The following ADCY2 variants were observed in gnomAD, a reference collection of about 807,000 sequenced individuals.
ADCY2 encodes adenylate cyclase type 2.
Under a neutral mutation model 125.2 loss-of-function variants are expected in ADCY2, and 31 were observed. The observed-to-expected ratio is 0.25, with a 90% CI of 0.19 to 0.33. The LOEUF is 0.33. Ranked by LOEUF, ADCY2 falls within the 10% of genes least tolerant of loss-of-function variation. The pLI is 1.00. For missense variants in ADCY2, 904 were observed against 1,418.2 expected, an observed-to-expected ratio of 0.64 and a Z score of 5.82; for synonymous variants, 512 against 548.4, an observed-to-expected ratio of 0.93 and a Z score of 0.93.
intron 4 of ADCY2, among the ~76,000 whole-genome samples, chr5:7,688,092 T>TTAATATA (rs1413317642): frequency 1.2e-4 from 19 of 152,194 alleles, no homozygotes; most frequent in Non-Finnish European, 2.1e-4. Flanking sequence ...TTATTTATAG[T>TTAATATA]CTACCTGTTA....
At chr5:7,668,259 C>T (rs1241131967) in intron 4 of ADCY2, among the ~76,000 whole-genome samples, 3 of 152,258 alleles carry the variant, frequency 2.0e-5, no homozygotes, top group East Asian at 3.9e-4. Flanking sequence ...CTCTATAATG[C>T]GGGTGAGCCT....
Position 7,817,154 on chromosome 5 carries a change from A to C in ADCY2, c.2998+174A>C, listed in dbSNP as rs189424904. On this transcript the variant is annotated intron_variant, in intron 23 of 24. Transcript: ENST00000338316. ...ACTTTTGAACAAATTAGAAAAAAAA[A>C]AACCCTTTGATTGGACCTAGGCTAC... Among the ~76,000 whole-genome samples, 1,202 of 152,202 alleles carry C rather than the reference A, an allele frequency of 7.9e-3. 9 individuals are homozygous for C. The highest frequency in any genetic ancestry group is 0.012 in the Non-Finnish European group (823 of 68,014).
chr5:7,541,659 C>A (rs1001390813), intron 3 of ADCY2, among the ~76,000 whole-genome samples: 1 of 152,172 alleles, frequency 6.6e-6, no homozygotes, highest in Non-Finnish European at 1.5e-5. Flanking sequence ...TCTAACTGCC[C>A]TGCATTTGAG....
chr5:7,621,685 T>C (rs1179947776), intron 3 of ADCY2, among the ~76,000 whole-genome samples: 1 of 152,234 alleles, frequency 6.6e-6, no homozygotes, highest in Non-Finnish European at 1.5e-5. Context: ...AGAAGGGCTA[T>C]GGTGGTCATT....
Position 7,779,417 on chromosome 5 carries a change from T to C in ADCY2, c.2385-4948T>C, listed in dbSNP as rs138062494. ...GTTTCTAATCATCAGTTCTTCCATG[T>C]GATGCTAAAGCCATGCCCCGCCCAA... On this transcript the variant is annotated intron_variant, in intron 18 of 24. Transcript: ENST00000338316. 5.6e-3 allele frequency among the ~76,000 whole-genome samples: 860 copies of C among 152,324 alleles called. 12 individuals are homozygous for C. The highest frequency in any genetic ancestry group is 0.019 in the African/African-American group (804 of 41,570).
At chr5:7,567,021 C>G (rs1735914569) in intron 3 of ADCY2, among the ~76,000 whole-genome samples, 1 of 152,042 alleles carries the variant, frequency 6.6e-6, no homozygotes, top group Non-Finnish European at 1.5e-5. Context: ...TAATAGATAC[C>G]TACATTTGTG....
At chr5:7,734,922 G>A (rs1274072842) in intron 14 of ADCY2, among the ~76,000 whole-genome samples, 1 of 152,148 alleles carries the variant, frequency 6.6e-6, no homozygotes, top group Non-Finnish European at 1.5e-5. Context: ...TCTTCTCCTT[G>A]TATCCTCACA....
chr5:7,491,030 A>G (rs1743144235), intron 2 of ADCY2, among the ~76,000 whole-genome samples: 1 of 152,188 alleles, frequency 6.6e-6, no homozygotes, highest in African/African-American at 2.4e-5. Context: ...CTAGTAAGAA[A>G]ATCACAAAAT....
chr5:7,513,411 GT>G (rs1744144985), intron 2 of ADCY2, among the ~76,000 whole-genome samples: 1 of 152,136 alleles, frequency 6.6e-6, no homozygotes. Flanking sequence ...CATGTTTATT[GT>G]TTTGCAGATT....
At chr5:7,722,318 G>C (rs1204128426) in intron 12 of ADCY2, among the ~76,000 whole-genome samples, 1 of 152,114 alleles carries the variant, frequency 6.6e-6, no homozygotes, top group Non-Finnish European at 1.5e-5. Context: ...GGAGGTGCTG[G>C]TTTTATTTTC....
chr5:7,592,373 A>G (rs1736873139), intron 3 of ADCY2, among the ~76,000 whole-genome samples: 3 of 152,190 alleles, frequency 2.0e-5, no homozygotes, highest in Admixed American at 2.0e-4. Flanking sequence ...TGATGGGTGA[A>G]CTAAATGAGG....
At chr5:7,747,859 A>T (rs1223168661) in intron 15 of ADCY2, among the ~76,000 whole-genome samples, 1 of 152,248 alleles carries the variant, frequency 6.6e-6, no homozygotes, top group Non-Finnish European at 1.5e-5. Flanking sequence ...CACAAGATAA[A>T]TATTTAATAT....
intron 3 of ADCY2, among the ~76,000 whole-genome samples, chr5:7,618,149 C>T (rs1027318603): frequency 2.6e-5 from 4 of 152,144 alleles, no homozygotes; most frequent in Non-Finnish European, 4.4e-5. Context: ...ATGTTTAAAT[C>T]CCCAGGTGAG....
In ADCY2 at chr5:7,396,767, G is replaced by A. The variant is rs1004502056; in HGVS notation, c.210+261G>A. On this transcript the variant is annotated intron_variant, in intron 1 of 24. Transcript: ENST00000338316. This position sits in a 1 kb window ranked among gnomAD's most constrained non-coding sequence, Gnocchi z 5.7. ...TTCCCGAGGTGTTCACCAGGTGGACGGGCAGGGCGTGTGCTTTTTGCATCT... is the reference window on the plus strand; with the variant it reads ...TTCCCGAGGTGTTCACCAGGTGGACAGGCAGGGCGTGTGCTTTTTGCATCT... 6.6e-6 allele frequency among the ~76,000 whole-genome samples: 1 copy of A among 152,138 alleles called. No homozygotes were observed. The highest frequency in any genetic ancestry group is 1.5e-5 in the Non-Finnish European group (1 of 68,024).
rs576398408 is a variant in ADCY2, at chr5:7,444,404, C to T, written c.408+29634C>T. ...TGCTGTGATTACAGGTGTGAGCCAC[C>T]GCGCCGGGGCTGTTTTTATCTTTTT... is the stretch of plus-strand genomic sequence containing the variant. On this transcript the variant is annotated intron_variant, in intron 2 of 24. Coordinates refer to ENST00000338316, the MANE Select transcript of ADCY2 (RefSeq NM_020546.3). Among the ~76,000 whole-genome samples, 357 of 152,144 alleles carry T rather than the reference C, an allele frequency of 2.3e-3. 1 individual carries two copies. The highest frequency in any genetic ancestry group is 8.5e-3 in the African/African-American group (351 of 41,494).
chr5:7,734,273 T>C (rs1742185053), intron 14 of ADCY2, among the ~76,000 whole-genome samples: 1 of 152,178 alleles, frequency 6.6e-6, no homozygotes, highest in Non-Finnish European at 1.5e-5. Context: ...GAGAGATAGC[T>C]TGTAATTAAT....
intron 1 of ADCY2, among the ~76,000 whole-genome samples, chr5:7,409,143 A>G (rs1195739901): frequency 6.6e-6 from 1 of 152,166 alleles, no homozygotes; most frequent in African/African-American, 2.4e-5. Flanking sequence ...GAAACCAAAT[A>G]CCGCATACTC....
At chr5:7,714,354 C>T (rs1741531883) in intron 11 of ADCY2, among the ~76,000 whole-genome samples, 1 of 152,222 alleles carries the variant, frequency 6.6e-6, no homozygotes, top group Non-Finnish European at 1.5e-5. Flanking sequence ...ATAGAAGTTA[C>T]GATGGGTAAT....
intron 3 of ADCY2, among the ~76,000 whole-genome samples, chr5:7,608,489 T>C (rs1480321808): frequency 1.9e-4 from 29 of 152,052 alleles, no homozygotes; most frequent in Non-Finnish European, 1.5e-5. Context: ...GGCATGAGAA[T>C]TGCTTGAACC....
Sources: gnomAD v4.1 joint callset for allele counts (sites outside exome capture counted in the v4.1 genomes callset) on GRCh38, gnomAD v4.1.1 for gene constraint, Gnocchi (gnomAD v3.1) non-coding constraint, MANE v1.5 for transcripts, NCBI Gene and HGNC (gene_info 2026-07-23, HGNC 2026-07-21) for gene names.